SYNPR: variants seen among roughly 807,000 people sequenced by gnomAD.
The protein encoded by SYNPR is synaptoporin.
Under a neutral mutation model 32.9 loss-of-function variants are expected in SYNPR, and 23 were observed. The observed-to-expected ratio is 0.70, with a 90% CI of 0.50 to 0.99. SYNPR has a LOEUF of 0.99. Among genes scored for constraint, SYNPR ranks in the 50% least tolerant of loss-of-function variants. The pLI is 0.00. For missense variants in SYNPR, 318 were observed against 349.3 expected (o/e 0.91, Z 0.71); for synonymous variants, 146 against 135.9 (o/e 1.07, Z -0.52).
intron 2 of SYNPR, among the ~76,000 whole-genome samples, chr3:63,438,091 G>A (rs961369595): frequency 6.6e-6 from 1 of 152,184 alleles, no homozygotes; most frequent in Admixed American, 6.5e-5. Flanking sequence ...TCTGTGCTGG[G>A]CACTTTGCTT....
chr3:63,276,907 C>T (rs539591305), upstream of SYNPR, among the ~76,000 whole-genome samples: 1 of 140,390 alleles, frequency 7.1e-6, no homozygotes, highest in Non-Finnish European at 1.5e-5. Context: ...ACCCACCCCC[C>T]CCACCAACAC....
chr3:63,450,232 A>G (rs1261958646), intron 2 of SYNPR, among the ~76,000 whole-genome samples: 1 of 152,172 alleles, frequency 6.6e-6, no homozygotes, highest in Non-Finnish European at 1.5e-5. Flanking sequence ...AGCCCTAGAG[A>G]TCAGCCTACC....
chr3:63,441,998 G>T (rs543999342), intron 2 of SYNPR, among the ~76,000 whole-genome samples: 1 of 152,192 alleles, frequency 6.6e-6, no homozygotes, highest in Admixed American at 6.5e-5. Flanking sequence ...TAGTAAGTGG[G>T]AGACCAGGAC....
intron 1 of SYNPR, among the ~76,000 whole-genome samples, chr3:63,239,530 TCAGG>T (rs1291853725): frequency 1.0e-5 from 1 of 98,544 alleles, no homozygotes; most frequent in African/African-American, 3.7e-5. Flanking sequence ...ATCAGGTGTG[TCAGG>T]CACCCATCCT....
At chr3:63,281,656 A>T (rs1327686798) in intron 2 of SYNPR, among the ~76,000 whole-genome samples, 1 of 152,112 alleles carries the variant, frequency 6.6e-6, no homozygotes, top group East Asian at 1.9e-4. Flanking sequence ...CTCCACATTT[A>T]TGAGCTAATC....
intron 4 of SYNPR, among the ~76,000 whole-genome samples, chr3:63,573,712 C>A (rs1214125788): frequency 6.6e-6 from 1 of 152,098 alleles, no homozygotes; most frequent in Non-Finnish European, 1.5e-5. Context: ...GTCCATCTTG[C>A]CAGTTAGTTC....
chr3:63,500,973 T>G (rs1040029015), intron 3 of SYNPR, among the ~76,000 whole-genome samples: 4 of 152,194 alleles, frequency 2.6e-5, no homozygotes, highest in Non-Finnish European at 5.9e-5. Context: ...AAAATGAAAC[T>G]AATAATCCCT....
intron 3 of SYNPR, among the ~76,000 whole-genome samples, chr3:63,537,682 T>C (rs1480663390): frequency 6.6e-6 from 1 of 152,154 alleles, no homozygotes; most frequent in Non-Finnish European, 1.5e-5. Context: ...CAGGATATAT[T>C]CTAATCACAG....
intron 2 of SYNPR, among the ~76,000 whole-genome samples, chr3:63,361,530 G>T (rs1003967570): frequency 6.6e-6 from 1 of 151,336 alleles, no homozygotes; most frequent in Non-Finnish European, 1.5e-5. Flanking sequence ...CCCGGGAGGC[G>T]GAGCTTGCAG....
intron 2 of SYNPR, among the ~76,000 whole-genome samples, chr3:63,317,360 C>T (rs1363120898): frequency 1.3e-5 from 2 of 148,430 alleles, no homozygotes; most frequent in Non-Finnish European, 3.0e-5. Flanking sequence ...TATTGTGTTG[C>T]TGTCTATCTC....
intron 2 of SYNPR, among the ~76,000 whole-genome samples, chr3:63,319,345 AGTCAG>A (rs1444585972): frequency 6.6e-6 from 1 of 152,050 alleles, no homozygotes; most frequent in East Asian, 1.9e-4. Context: ...TATAATTTGA[AGTCAG>A]GTAATGTGAT....
chr3:63,556,272 T>C (rs1016967384), intron 3 of SYNPR, among the ~76,000 whole-genome samples: 3 of 152,218 alleles, frequency 2.0e-5, no homozygotes, highest in African/African-American at 7.2e-5. Context: ...GTCTAATTTA[T>C]CATGATTTCA....
chr3:63,372,272 C>T (rs1225208378), intron 2 of SYNPR, among the ~76,000 whole-genome samples: 4 of 152,132 alleles, frequency 2.6e-5, no homozygotes, highest in Non-Finnish European at 5.9e-5. Context: ...CCACCCCCTG[C>T]TTCTCACCAA....
At chr3:63,607,703 A>G (rs745447645) in intron 4 of SYNPR, among the ~76,000 whole-genome samples, 1 of 152,214 alleles carries the variant, frequency 6.6e-6, no homozygotes, top group Non-Finnish European at 1.5e-5. Flanking sequence ...CGTAATTCAC[A>G]ACAGCCACTG....
intron 4 of SYNPR, among the ~76,000 whole-genome samples, chr3:63,591,935 AG>A (rs1340518267): frequency 6.6e-6 from 1 of 151,044 alleles, no homozygotes; most frequent in Admixed American, 6.6e-5. Context: ...AAAAAAAAAA[AG>A]ATATGCCCAC....
intron 2 of SYNPR, among the ~76,000 whole-genome samples, chr3:63,457,792 A>G (rs925909922): frequency 2.6e-5 from 4 of 152,134 alleles, no homozygotes; most frequent in Non-Finnish European, 4.4e-5. Context: ...TTGGTCCAGG[A>G]AGGGAGAAGA....
At chr3:63,430,684 A>C (rs184215936) in intron 2 of SYNPR, among the ~76,000 whole-genome samples, 26 of 152,302 alleles carry the variant, frequency 1.7e-4, no homozygotes, top group African/African-American at 6.3e-4. Context: ...AAACTAACAG[A>C]AAGTATAACA....
At chr3:63,436,807 A>G (rs1420050146) in intron 2 of SYNPR, among the ~76,000 whole-genome samples, 1 of 152,068 alleles carries the variant, frequency 6.6e-6, no homozygotes, top group Non-Finnish European at 1.5e-5. Flanking sequence ...TCGGATTTCC[A>G]TACTCCCTGA....
chr3:63,323,655 A>C (rs1171765765), intron 2 of SYNPR, among the ~76,000 whole-genome samples: 1 of 152,126 alleles, frequency 6.6e-6, no homozygotes, highest in Non-Finnish European at 1.5e-5. Flanking sequence ...GGAGAATTAC[A>C]AATAAAAGAG....
Sources: gnomAD v4.1 joint callset for allele counts (sites outside exome capture counted in the v4.1 genomes callset) on GRCh38, gnomAD v4.1.1 for gene constraint, MANE v1.5 for transcripts, NCBI Gene and HGNC (gene_info 2026-07-23, HGNC 2026-07-21) for gene names.